Variants in EFHC2 observed in about 807,000 individuals in gnomAD.
EFHC2 encodes the protein EF-hand domain containing 2.
Under a neutral mutation model 52.7 loss-of-function variants are expected in EFHC2, and 18 were observed. The observed-to-expected ratio is 0.34, with a 90% confidence interval of 0.24 to 0.51. EFHC2 has a LOEUF of 0.51. Among genes scored for constraint, EFHC2 ranks in the 20% least tolerant of loss-of-function variants. The pLI is 0.97. For synonymous variants in EFHC2, 203 were observed against 204.1 expected (o/e 0.99, Z 0.04); for missense variants, 513 against 562.5 (o/e 0.91, Z 0.89).
chrX:44,313,108 AAAAAG>A (rs1340814341), intron 1 of EFHC2, among the ~76,000 whole-genome samples: 10 of 105,356 alleles, frequency 9.5e-5, no homozygotes, highest in Non-Finnish European at 1.6e-4. Flanking sequence ...AAAAAAAAAA[AAAAAG>A]AAAGAAAGAA....
Position 44,178,416 on chromosome X carries a change from C to A in EFHC2, c.1900G>T (p.Glu634Ter). The A allele has an allele frequency of 8.3e-7, 1 of 1,203,190 alleles. No individual in the cohort carries two copies. Among genetic ancestry groups the A allele is most frequent in the Non-Finnish European group, 1.1e-6 (1 of 890,807 alleles). The change falls in exon 12 of 15, where the codon GAG (glutamate) becomes TAG (stop). Residue 634 changes from glutamate to a stop codon, truncating the protein, a stop_gained. Transcript: ENST00000420999. LOFTEE classifies it high-confidence loss of function. ...AHEKFKKNMFENFDTFIYSCV... is the reference protein window; with the variant it reads ...AHEKFKKNMF ...GAATAAATGAAAGTGTCGAAATTCT[C>A]AAACATATTTTTCTTGAACTTTTCG...
intron 1 of EFHC2, among the ~76,000 whole-genome samples, chrX:44,315,969 T>C (rs1283813551): frequency 1.8e-5 from 2 of 111,735 alleles, no homozygotes; most frequent in Non-Finnish European, 3.8e-5. Flanking sequence ...TACTAAAGCC[T>C]AATACCGGCC....
At chrX:44,333,029 C>T (rs1304792957) in intron 1 of EFHC2, among the ~76,000 whole-genome samples, 2 of 111,620 alleles carry the variant, frequency 1.8e-5, no homozygotes, top group East Asian at 5.6e-4. Flanking sequence ...TTATTTCCAT[C>T]TATGTTTCAA....
At chrX:44,210,937 G>C (rs886968141) in intron 11 of EFHC2, among the ~76,000 whole-genome samples, 1 of 111,707 alleles carries the variant, frequency 9.0e-6, no homozygotes, top group African/African-American at 3.3e-5. Flanking sequence ...TAAAGGTCTG[G>C]TATCCAGCAC....
At chrX:44,252,730 C>A (rs1019200714) in intron 4 of EFHC2, among the ~76,000 whole-genome samples, 1 of 111,968 alleles carries the variant, frequency 8.9e-6, no homozygotes, top group Non-Finnish European at 1.9e-5. Context: ...GGAATAAATG[C>A]TAAAATGATG....
At chrX:44,244,656 T>C (rs2037385393) in intron 7 of EFHC2, among the ~76,000 whole-genome samples, 1 of 111,868 alleles carries the variant, frequency 8.9e-6, no homozygotes. Flanking sequence ...GGAGTCTTAA[T>C]GCTTCTTCGT....
chrX:44,268,853 T>A (rs2037597060), intron 3 of EFHC2, among the ~76,000 whole-genome samples: 1 of 111,751 alleles, frequency 8.9e-6, no homozygotes, highest in African/African-American at 3.3e-5. Context: ...AAATAAAATG[T>A]CATACTTTTA....
chrX:44,328,698 C>T (rs769158434), intron 1 of EFHC2, among the ~76,000 whole-genome samples: 1 of 111,650 alleles, frequency 9.0e-6, no homozygotes, highest in African/African-American at 3.3e-5. Flanking sequence ...AACTATGTAA[C>T]TTCACTTTAG....
intron 3 of EFHC2, among the ~76,000 whole-genome samples, chrX:44,267,745 C>T (rs2037588253): frequency 9.0e-6 from 1 of 111,365 alleles, no homozygotes; most frequent in Admixed American, 9.6e-5. Flanking sequence ...AAAGCAAGCC[C>T]GGGCCACTCA....
In EFHC2 at chrX:44,148,786, C is replaced by G; in HGVS notation, c.*9G>C. On this transcript the variant is annotated 3_prime_UTR_variant, in exon 15 of 15. Coordinates refer to ENST00000420999, the MANE Select transcript of EFHC2 (RefSeq NM_025184.4). ...GTAAATCATAGAGAATTGACCAAAACTGGCATGGTTATTCCTCCTCTAAGC... is the reference window on the plus strand; with the variant it reads ...GTAAATCATAGAGAATTGACCAAAAGTGGCATGGTTATTCCTCCTCTAAGC... 1 of 1,165,680 alleles carries G rather than the reference C, an allele frequency of 8.6e-7. No individual in the cohort carries two copies. The highest frequency in any genetic ancestry group is 1.1e-6 in the Non-Finnish European group (1 of 870,132).
intron 4 of EFHC2, among the ~76,000 whole-genome samples, chrX:44,259,558 A>G (rs2037521341): frequency 8.9e-6 from 1 of 112,458 alleles, no homozygotes; most frequent in Admixed American, 9.4e-5. Flanking sequence ...TTAAATATAC[A>G]TAAATTTTTT....
chrX:44,158,701 G>A (rs1041876175), intron 14 of EFHC2, among the ~76,000 whole-genome samples: 2 of 110,838 alleles, frequency 1.8e-5, no homozygotes, highest in Non-Finnish European at 3.8e-5. Context: ...CTACACATCT[G>A]GTCTGACTCC....
intron 1 of EFHC2, among the ~76,000 whole-genome samples, chrX:44,317,962 T>C (rs2037993768): frequency 8.9e-6 from 1 of 112,657 alleles, no homozygotes. Context: ...GAAAACAGTT[T>C]GGCAGTTTCT....
intron 11 of EFHC2, among the ~76,000 whole-genome samples, chrX:44,223,403 A>G (rs753952280): frequency 7.1e-5 from 8 of 112,485 alleles, no homozygotes; most frequent in Non-Finnish European, 1.5e-4. Context: ...GACAAGTTCT[A>G]CAGCCCTGTT....
chrX:44,171,533 TA>T, intron 13 of EFHC2, among the ~76,000 whole-genome samples: 1 of 111,406 alleles, frequency 9.0e-6, no homozygotes, highest in Middle Eastern at 4.6e-3. Context: ...AAACACCTGG[TA>T]AAAGTCGTCA....
chrX:44,167,197 T>C (rs995523558), intron 13 of EFHC2, among the ~76,000 whole-genome samples: 1 of 112,390 alleles, frequency 8.9e-6, no homozygotes, highest in African/African-American at 3.2e-5. Context: ...TCTGGTTCCT[T>C]GATCATGCCA....
At chrX:44,175,912 G>C in intron 13 of EFHC2, among the ~76,000 whole-genome samples, 1 of 111,794 alleles carries the variant, frequency 8.9e-6, no homozygotes, top group Middle Eastern at 4.7e-3. Context: ...AGAGCCCCAT[G>C]CTAATAACCC....
intron 13 of EFHC2, among the ~76,000 whole-genome samples, chrX:44,173,741 G>A (rs2050398): frequency 0.11 from 12,136 of 111,609 alleles, 643 homozygotes; most frequent in African/African-American, 0.2. Flanking sequence ...AGACTGAGAT[G>A]ACTTCGAAGC....
In EFHC2 at chrX:44,248,659, G is replaced by A. The variant is rs192984451; in HGVS notation, c.972+144C>T. The A allele has an allele frequency of 5.0e-5, 27 of 535,057 alleles. 1 individual carries two copies. In the East Asian group the frequency reaches 8.7e-4, roughly 17 times the overall value. The allele number at this position is 535,057 out of a possible 1,213,427, so 44.1% of individuals were successfully genotyped here. ...TAGACATTTCAGCATGTTTATTACTGATAAATAGCAGTACAATGCATACAT... is the reference window on the plus strand; with the variant it reads ...TAGACATTTCAGCATGTTTATTACTAATAAATAGCAGTACAATGCATACAT... On this transcript the variant is annotated intron_variant, in intron 6 of 14. Transcript: ENST00000420999.
Sources: allele counts gnomAD v4.1 joint callset (sites outside exome capture counted in the v4.1 genomes callset), GRCh38; gene constraint gnomAD v4.1.1; transcripts MANE v1.5; gene names NCBI Gene and HGNC (gene_info 2026-07-23, HGNC 2026-07-21).